Variants in MECOM observed in about 807,000 individuals in gnomAD.
The protein encoded by MECOM is histone-lysine N-methyltransferase MECOM.
Under a neutral mutation model 116.3 loss-of-function variants are expected in MECOM, and 13 were observed. That is an observed-to-expected ratio of 0.11 (90% CI 0.07 to 0.18). MECOM has a LOEUF of 0.18. Among genes scored for constraint, MECOM ranks in the 10% least tolerant of loss-of-function variants. MECOM has a pLI of 1.00. For synonymous variants in MECOM, 528 were observed against 535.2 expected, an observed-to-expected ratio of 0.99 and a Z score of 0.19; for missense variants, 1,299 against 1,509.0, an observed-to-expected ratio of 0.86 and a Z score of 2.31.
At chr3:169,433,403 G>T (rs574565909) in intron 1 of MECOM, among the ~76,000 whole-genome samples, 11 of 152,158 alleles carry the variant, frequency 7.2e-5, no homozygotes, top group Non-Finnish European at 1.6e-4. Context: ...AGGAGGCAGA[G>T]GTTGCAGTGA....
Position 169,135,393 on chromosome 3 carries a change from G to C in MECOM, c.511-3862C>G, listed in dbSNP as rs961698976. On this transcript the variant is annotated intron_variant, in intron 3 of 16. Coordinates refer to ENST00000651503, the MANE Select transcript of MECOM (RefSeq NM_004991.4). ...AGAAAATTTTGAGTTAATATGAAAA[G>C]GTTGTTCATTTGTTATTTTTGCTCT... is the stretch of plus-strand genomic sequence containing the variant. Among the ~76,000 whole-genome samples, 18 of 152,002 alleles carry C rather than the reference G, an allele frequency of 1.2e-4. 1 individual carries two copies. Among genetic ancestry groups the C allele is most frequent in the African/African-American group, 4.3e-4 (18 of 41,510 alleles).
intron 1 of MECOM, among the ~76,000 whole-genome samples, chr3:169,599,915 A>G (rs898869532): frequency 1.3e-5 from 2 of 152,164 alleles, no homozygotes; most frequent in African/African-American, 4.8e-5. Context: ...AATTAACACT[A>G]TGCCAGTTGA....
At chr3:169,397,253 C>T (rs16853645) in intron 1 of MECOM, among the ~76,000 whole-genome samples, 54 of 152,216 alleles carry the variant, frequency 3.5e-4, no homozygotes, top group African/African-American at 1.1e-3. Context: ...AAAAGATGAG[C>T]TAATTCCGCA....
At chr3:169,582,240 G>C (rs1415423449) in intron 1 of MECOM, among the ~76,000 whole-genome samples, 1 of 152,042 alleles carries the variant, frequency 6.6e-6, no homozygotes, top group East Asian at 1.9e-4. Context: ...TATCAAGCGA[G>C]AGTAGATGAA....
intron 1 of MECOM, among the ~76,000 whole-genome samples, chr3:169,657,544 T>C (rs1484134816): frequency 6.6e-6 from 1 of 152,228 alleles, no homozygotes; most frequent in Non-Finnish European, 1.5e-5. Flanking sequence ...ATATTCAATG[T>C]TGACATTGTA....
At chr3:169,531,822 A>G (rs1264912780) in intron 1 of MECOM, among the ~76,000 whole-genome samples, 1 of 152,222 alleles carries the variant, frequency 6.6e-6, no homozygotes, top group Non-Finnish European at 1.5e-5. Flanking sequence ...TTCTAAAAAC[A>G]TTACAGAACC....
intron 2 of MECOM, among the ~76,000 whole-genome samples, chr3:169,163,580 A>T (rs1023712953): frequency 2.6e-5 from 4 of 152,190 alleles, no homozygotes; most frequent in African/African-American, 9.6e-5. Flanking sequence ...TTTACAGATG[A>T]CAAAACTGAA....
intron 2 of MECOM, among the ~76,000 whole-genome samples, chr3:169,322,923 G>A (rs199754526): frequency 5.6e-4 from 18 of 32,252 alleles, no homozygotes; most frequent in African/African-American, 4.0e-3. Context: ...ACTTGAACCC[G>A]GGGGGGGCAG....
intron 2 of MECOM, among the ~76,000 whole-genome samples, chr3:169,172,700 A>G (rs759080425): frequency 2.0e-5 from 3 of 152,194 alleles, no homozygotes; most frequent in Non-Finnish European, 2.9e-5. Context: ...CTAAAGGACA[A>G]TTAGTCATGT....
chr3:169,416,475 C>T (rs1738609985), intron 1 of MECOM, among the ~76,000 whole-genome samples: 1 of 151,534 alleles, frequency 6.6e-6, no homozygotes. Flanking sequence ...ACTAGAGAAG[C>T]AAGAGCAAAC....
intron 1 of MECOM, among the ~76,000 whole-genome samples, chr3:169,634,682 T>C (rs1200469041): frequency 2.0e-5 from 3 of 152,126 alleles, no homozygotes; most frequent in Admixed American, 6.5e-5. Flanking sequence ...AAATGTCTGC[T>C]TGGGGCCTTG....
chr3:169,451,833 G>A (rs559952178), intron 1 of MECOM, among the ~76,000 whole-genome samples: 4 of 152,140 alleles, frequency 2.6e-5, no homozygotes, highest in South Asian at 4.1e-4. Flanking sequence ...CATAATAGAT[G>A]TGGAAAAAAG....
intron 2 of MECOM, among the ~76,000 whole-genome samples, chr3:169,182,804 T>A (rs1278187070): frequency 6.6e-6 from 1 of 152,178 alleles, no homozygotes; most frequent in Non-Finnish European, 1.5e-5. Flanking sequence ...AATTCACTTC[T>A]CTGGAACTCT....
chr3:169,501,804 G>A (rs537629784), intron 1 of MECOM, among the ~76,000 whole-genome samples: 4 of 152,088 alleles, frequency 2.6e-5, no homozygotes, highest in South Asian at 2.1e-4. Context: ...TAGAAATGTT[G>A]GCTTCCAAAG....
chr3:169,111,380 G>A (rs928464615), intron 9 of MECOM, among the ~76,000 whole-genome samples: 2 of 151,970 alleles, frequency 1.3e-5, no homozygotes, highest in Admixed American at 1.3e-4. Flanking sequence ...AATATTATAT[G>A]TTCATAAGTA....
At chr3:169,615,396 T>C (rs2109849829) in intron 1 of MECOM, among the ~76,000 whole-genome samples, 1 of 152,360 alleles carries the variant, frequency 6.6e-6, no homozygotes, top group African/African-American at 2.4e-5. Context: ...AAATTAAAAG[T>C]TATTTCTACT....
chr3:169,320,901 TA>T (rs1298826256), intron 2 of MECOM, among the ~76,000 whole-genome samples: 1 of 152,162 alleles, frequency 6.6e-6, no homozygotes, highest in East Asian at 1.9e-4. Context: ...TATTACTTTC[TA>T]GGTTCTGTGC....
Position 169,116,489 on chromosome 3 carries a change from A to G in MECOM, c.1383T>C (p.His461=), listed in dbSNP as rs777822264. The G allele has an allele frequency of 3.7e-6, 6 of 1,614,090 alleles. No homozygotes were observed. Among genetic ancestry groups the G allele is most frequent in the Non-Finnish European group, 5.1e-6 (6 of 1,180,032 alleles). ...MDKTSMVNMS[H]ANPGLADYFG... is the part of the protein sequence containing the mutation. ...AATAGTCAGCAAGGCCCGGGTTGGC[A>G]TGACTCATATTAACCATGGACGTTT... is the stretch of plus-strand genomic sequence containing the variant. Residue 461 remains histidine, a synonymous_variant, in exon 8 of 17, where the codon CAT becomes CAC. Coordinates refer to ENST00000651503, the MANE Select transcript of MECOM (RefSeq NM_004991.4).
At chr3:169,235,554 A>G (rs1753934171) in intron 2 of MECOM, among the ~76,000 whole-genome samples, 1 of 152,192 alleles carries the variant, frequency 6.6e-6, no homozygotes, top group Non-Finnish European at 1.5e-5. Flanking sequence ...AGGAATAAAT[A>G]ATAAAAAAGT....
Sources: gnomAD v4.1 joint callset for allele counts (sites outside exome capture counted in the v4.1 genomes callset) on GRCh38, gnomAD v4.1.1 for gene constraint, MANE v1.5 for transcripts, NCBI Gene and HGNC (gene_info 2026-07-23, HGNC 2026-07-21) for gene names.